The following MTDH variants were observed in gnomAD, a reference collection of about 807,000 sequenced individuals.
MTDH encodes the protein metadherin, also known as protein LYRIC.
MTDH carries 34 observed loss-of-function variants against 72.7 expected under a neutral mutation model. The observed-to-expected ratio is 0.47, with a 90% CI of 0.36 to 0.62. The LOEUF (loss-of-function observed/expected upper bound fraction) is 0.62, where lower values mean the gene tolerates loss of function less well. MTDH is among the 20% of genes least tolerant of loss of function. MTDH has a pLI of 0.00. For synonymous variants in MTDH, 266 were observed against 268.9 expected, an observed-to-expected ratio of 0.99 and a Z score of 0.10; for missense variants, 677 against 699.4, an observed-to-expected ratio of 0.97 and a Z score of 0.36.
At chr8:97,679,645 T>C (rs1294410535) in intron 2 of MTDH, among the ~76,000 whole-genome samples, 1 of 152,230 alleles carries the variant, frequency 6.6e-6, no homozygotes, top group Non-Finnish European at 1.5e-5. Context: ...TGCATTGATA[T>C]TGCTATCACT....
intron 2 of MTDH, among the ~76,000 whole-genome samples, chr8:97,685,543 CA>C (rs1813325396): frequency 2.0e-5 from 3 of 151,692 alleles, no homozygotes; most frequent in Admixed American, 2.0e-4. Context: ...GGGCAGAGCA[CA>C]AGGTCAGGAG....
At chr8:97,655,462 A>G (rs972690341) in intron 1 of MTDH, among the ~76,000 whole-genome samples, 6 of 152,204 alleles carry the variant, frequency 3.9e-5, no homozygotes, top group Non-Finnish European at 8.8e-5. Context: ...CTCTGAGAGG[A>G]TATATTTGCT....
intron 10 of MTDH, among the ~76,000 whole-genome samples, chr8:97,720,708 G>A (rs907272197): frequency 2.1e-5 from 3 of 145,816 alleles, no homozygotes; most frequent in Admixed American, 7.0e-5. Flanking sequence ...GTGCAGTGAC[G>A]CAATCCGCAA....
intron 8 of MTDH, among the ~76,000 whole-genome samples, chr8:97,707,333 A>G (rs1814395706): frequency 6.6e-6 from 1 of 151,392 alleles, no homozygotes; most frequent in Admixed American, 6.6e-5. Flanking sequence ...TGTATTTAGT[A>G]GAGATGGGAT....
At chr8:97,688,644 G>A (rs909514856) in intron 4 of MTDH, among the ~76,000 whole-genome samples, 37 of 152,126 alleles carry the variant, frequency 2.4e-4, no homozygotes, top group African/African-American at 8.0e-4. Context: ...TTCTTCATAA[G>A]GTGATGTGTT....
intron 9 of MTDH, among the ~76,000 whole-genome samples, chr8:97,714,162 G>A (rs568207721): frequency 2.6e-4 from 40 of 152,276 alleles, no homozygotes; most frequent in African/African-American, 9.4e-4. Flanking sequence ...CTTTGAGTTT[G>A]CTGGTTATTT....
In MTDH at chr8:97,727,866, TGAGAG is replaced by T. The variant is rs1163624158; in HGVS notation, c.*3197_*3201del. On this transcript the variant is annotated 3_prime_UTR_variant, in exon 12 of 12. Coordinates refer to ENST00000336273, the MANE Select transcript of MTDH (RefSeq NM_178812.4). ...TACCGACAATTGAGCAAACAACAGT[TGAGAG>T]AGTCCAAAAAAAAAAGTATTAAAAT... The T allele has an allele frequency of 2.6e-5, 4 of 151,890 alleles. No individual in the cohort carries two copies. The highest frequency in any genetic ancestry group is 2.6e-4 in the Admixed American group (4 of 15,234). The allele number at this position is 151,890 out of a possible 1,614,324, so 9.4% of individuals were successfully genotyped here. A position where few individuals can be genotyped will look rare whatever the true frequency, so the allele number is the denominator to read the frequency against.
Position 97,728,887 on chromosome 8 carries a change from C to T in MTDH, c.*4217C>T, listed in dbSNP as rs1193316281. 2 of 150,348 alleles carry T rather than the reference C, an allele frequency of 1.3e-5. No homozygotes were observed. Among genetic ancestry groups the T allele is most frequent in the African/African-American group, 4.9e-5 (2 of 41,046 alleles). 9.3% of individuals were successfully genotyped at this position (150,348 alleles called of 1,614,324 possible). ...GATCCGGGTTCTTTCTATATTGTTCCTCCCCATTCTCAACCTGTAGCTTTT... is the reference window on the plus strand; with the variant it reads ...GATCCGGGTTCTTTCTATATTGTTCTTCCCCATTCTCAACCTGTAGCTTTT... On this transcript the variant is annotated 3_prime_UTR_variant, in exon 12 of 12. Coordinates refer to ENST00000336273, the MANE Select transcript of MTDH (RefSeq NM_178812.4).
chr8:97,705,763 C>T (rs561114601), intron 7 of MTDH, among the ~76,000 whole-genome samples: 34 of 152,250 alleles, frequency 2.2e-4, no homozygotes, highest in African/African-American at 7.2e-4. Context: ...TGAAACCTGA[C>T]TATAAGTAGA....
intron 5 of MTDH, 28 bp from the exon 6 acceptor site, chr8:97,690,924 T>C: frequency 6.5e-7 from 1 of 1,528,560 alleles, no homozygotes; most frequent in Non-Finnish European, 9.0e-7. Flanking sequence ...TGTACCTGTT[T>C]TTTAATATTC....
In MTDH at chr8:97,681,719, C is replaced by T. The variant is rs139392546; in HGVS notation, c.484-4949C>T. ...TGTTGGCCAGCCTGGTCTCAAACTC[C>T]TAACCTCAGGTAATCCGCCCACCTC... On this transcript the variant is annotated intron_variant, in intron 2 of 11. Transcript: ENST00000336273. Among the ~76,000 whole-genome samples, 8 of 152,094 alleles carry T rather than the reference C, an allele frequency of 5.3e-5. No homozygotes were observed. The East Asian group carries it at 1.5e-3, about 29-fold the overall frequency.
At chr8:97,650,480 G>A (rs1442952371) in intron 1 of MTDH, among the ~76,000 whole-genome samples, 1 of 151,682 alleles carries the variant, frequency 6.6e-6, no homozygotes, top group African/African-American at 2.4e-5. Flanking sequence ...TTGCTATGTT[G>A]CCTAGACTGG....
intron 6 of MTDH, chr8:97,696,340 A>G (rs1813833118): frequency 1.1e-6 from 1 of 874,914 alleles, no homozygotes; most frequent in African/African-American, 1.8e-5. Flanking sequence ...ACATTTGTTT[A>G]ATTTTAGTGC....
chr8:97,659,611 TGG>T (rs1375567153), intron 1 of MTDH, among the ~76,000 whole-genome samples: 1 of 152,234 alleles, frequency 6.6e-6, no homozygotes, highest in East Asian at 1.9e-4. Flanking sequence ...TATAGAAACT[TGG>T]AACACTTTGT....
At chr8:97,684,384 C>T (rs1415194891) in intron 2 of MTDH, among the ~76,000 whole-genome samples, 1 of 152,054 alleles carries the variant, frequency 6.6e-6, no homozygotes, top group Non-Finnish European at 1.5e-5. Flanking sequence ...CATTATATTT[C>T]TGTTGGCCAG....
chr8:97,672,747 A>G (rs752637573), intron 2 of MTDH, among the ~76,000 whole-genome samples: 4 of 152,206 alleles, frequency 2.6e-5, no homozygotes, highest in African/African-American at 9.6e-5. Flanking sequence ...ATGGGATCTC[A>G]TACTGAAATT....
At chr8:97,683,674 G>A (rs1478880436) in intron 2 of MTDH, among the ~76,000 whole-genome samples, 2 of 152,036 alleles carry the variant, frequency 1.3e-5, no homozygotes, top group Non-Finnish European at 2.9e-5. Context: ...GATTACAGGT[G>A]TAAACCACCG....
intron 4 of MTDH, 103 bp downstream of exon 4, chr8:97,687,708 C>A: frequency 9.9e-7 from 1 of 1,011,396 alleles, no homozygotes; most frequent in Non-Finnish European, 1.4e-6. Flanking sequence ...TGAATGCTAA[C>A]ATCATTGTGC....
intron 2 of MTDH, among the ~76,000 whole-genome samples, chr8:97,665,328 C>T (rs1812336632): frequency 2.6e-5 from 4 of 152,034 alleles, no homozygotes; most frequent in Admixed American, 2.0e-4. Flanking sequence ...TTTCTAGGTC[C>T]TTATTTGGGT....
Sources: gnomAD v4.1 joint callset for allele counts (sites outside exome capture counted in the v4.1 genomes callset) on GRCh38, gnomAD v4.1.1 for gene constraint, MANE v1.5 for transcripts, NCBI Gene and HGNC (gene_info 2026-07-23, HGNC 2026-07-21) for gene names.